The following LMF1 variants were observed in gnomAD, a reference collection of about 807,000 sequenced individuals.
LMF1 encodes the protein transmembrane protein 112.
A neutral mutation model predicts 60.6 loss-of-function variants in LMF1; 68 were observed. The ratio of observed to expected loss-of-function variants is 1.12; its 90% confidence interval spans 0.92 to 1.37. LMF1 has a LOEUF of 1.37. Among genes scored for constraint, LMF1 ranks in the 40% most tolerant of loss-of-function variants. The pLI is 0.00. For synonymous variants in LMF1, 418 were observed against 324.7 expected (o/e 1.29, Z -3.09); for missense variants, 948 against 767.2 (o/e 1.24, Z -2.78).
intron 9 of LMF1, 149 bp downstream of exon 9, chr16:869,734 G>C: frequency 1.2e-6 from 1 of 849,488 alleles, no homozygotes; most frequent in Non-Finnish European, 1.8e-6. Context: ...TGTCGTGTGG[G>C]CTCAGTTCTC....
chr16:894,026 G>A lies in LMF1; in HGVS notation c.664-954C>T, dbSNP rs74323832. The stretch of plus-strand genomic sequence containing the variant: ...CCACCCACCCGTCCCCCTGTCCACC[G>A]GGCCGTCTGCCCACTCGTCCCCTGT... On this transcript the variant is annotated intron_variant, in intron 4 of 10. Transcript: ENST00000262301. 8.3e-5 allele frequency among the ~76,000 whole-genome samples: 8 copies of A among 96,002 alleles called. No homozygotes were observed. In the South Asian group the frequency reaches 2.2e-3, roughly 27 times the overall value. The allele number at this position is 96,002 out of a possible 152,430, so 63.0% of individuals were successfully genotyped here. A position where few individuals can be genotyped will look rare whatever the true frequency, so the allele number is the denominator to read the frequency against.
chr16:906,302 C>G (rs1025014663), intron 4 of LMF1, among the ~76,000 whole-genome samples: 2 of 152,128 alleles, frequency 1.3e-5, no homozygotes, highest in African/African-American at 2.4e-5. Flanking sequence ...AGTACTGATC[C>G]TGGGTGTGTC....
intron 5 of LMF1, among the ~76,000 whole-genome samples, chr16:880,632 G>A (rs904405066): frequency 3.9e-5 from 6 of 152,236 alleles, no homozygotes; most frequent in Non-Finnish European, 8.8e-5. Flanking sequence ...ACTGTGCCAC[G>A]GCACTCAGCC....
chr16:926,233 A>T (rs1269449091), intron 3 of LMF1, among the ~76,000 whole-genome samples: 1 of 150,478 alleles, frequency 6.6e-6, no homozygotes, highest in Non-Finnish European at 1.5e-5. Flanking sequence ...ACGTTTGCAT[A>T]TGATCTGCAT....
chr16:954,337 G>T lies in LMF1; in HGVS notation c.503+20C>A. The T allele has an allele frequency of 6.2e-7, 1 of 1,607,296 alleles. No individual in the cohort carries two copies. The highest frequency in any genetic ancestry group is 8.5e-7 in the Non-Finnish European group (1 of 1,177,618). On this transcript the variant is annotated intron_variant, in intron 2 of 10. Coordinates refer to ENST00000262301, the MANE Select transcript of LMF1 (RefSeq NM_022773.4). Reference sequence around the variant, plus strand: ...TGACAGCAAGCCCTAAGCTCCGACCGCCCCATTCCTGCTACTCACCAGACA... The same window carrying T: ...TGACAGCAAGCCCTAAGCTCCGACCTCCCCATTCCTGCTACTCACCAGACA...
chr16:914,108 C>T lies in LMF1; in HGVS notation c.515-3029G>A, dbSNP rs180822357. Among the ~76,000 whole-genome samples the T allele has an allele frequency of 6.6e-4, 101 of 152,182 alleles. 1 individual carries two copies. In the Middle Eastern group the frequency reaches 0.01, roughly 15 times the overall value. On this transcript the variant is annotated intron_variant, in intron 3 of 10. Transcript: ENST00000262301. ...ACACGCACGGTCTTCTGAGGCCCTACGAGATGCTGAGCCCTGGGGACAGGG... is the reference window on the plus strand; with the variant it reads ...ACACGCACGGTCTTCTGAGGCCCTATGAGATGCTGAGCCCTGGGGACAGGG...
chr16:863,982 G>C (rs2069541366), intron 10 of LMF1, among the ~76,000 whole-genome samples: 1 of 151,950 alleles, frequency 6.6e-6, no homozygotes, highest in Non-Finnish European at 1.5e-5. Context: ...GTCGATGATG[G>C]TGCTCCTTTA....
intron 2 of LMF1, among the ~76,000 whole-genome samples, chr16:935,991 A>C (rs1262643135): frequency 6.6e-6 from 1 of 152,254 alleles, no homozygotes; most frequent in African/African-American, 2.4e-5. Context: ...ATCTTTTTAA[A>C]TCATCCCTTA....
upstream of LMF1, among the ~76,000 whole-genome samples, chr16:971,540 C>T (rs548740769): frequency 6.6e-6 from 1 of 152,358 alleles, no homozygotes; most frequent in Admixed American, 6.5e-5. Context: ...GCCTGAGCAC[C>T]CTTCCGCCTT....
At chr16:892,659 A>G (rs966001354) in intron 5 of LMF1, among the ~76,000 whole-genome samples, 3 of 152,208 alleles carry the variant, frequency 2.0e-5, no homozygotes, top group Non-Finnish European at 4.4e-5. Context: ...GAAGCCCCCA[A>G]CAGGCACCTG....
intron 10 of LMF1, among the ~76,000 whole-genome samples, chr16:863,477 C>T (rs899726848): frequency 3.3e-5 from 5 of 152,184 alleles, no homozygotes; most frequent in African/African-American, 1.2e-4. Flanking sequence ...ATCGTATCTT[C>T]TCCTTTTGTT....
chr16:949,220 G>T (rs2072359572), intron 2 of LMF1, among the ~76,000 whole-genome samples: 1 of 151,196 alleles, frequency 6.6e-6, no homozygotes, highest in Non-Finnish European at 1.5e-5. Context: ...GACAGAGTCA[G>T]CCAACAACAG....
chr16:880,404 G>A (rs1301302602), intron 5 of LMF1, among the ~76,000 whole-genome samples: 2 of 152,324 alleles, frequency 1.3e-5, no homozygotes, highest in South Asian at 4.1e-4. Flanking sequence ...AGGCACGGTG[G>A]CTCATGCCTG....
At position 976,276 on chromosome 16, in the gene LMF1, G is replaced by A. The variant is rs745806281; in HGVS notation, c.-135+4869C>T. ...TGGGGCTGGGGTCCCTGGATCTAGG[G>A]GATGAGGGCCCAGAACGAGGCTGGG... On this transcript the variant is annotated intron_variant, in intron 1 of 6. Transcript: ENST00000570014. 28 of 449,546 alleles carry A rather than the reference G, an allele frequency of 6.2e-5. No homozygotes were observed. In the Admixed American group the frequency reaches 6.6e-4, roughly 11 times the overall value. 27.8% of individuals were successfully genotyped at this position (449,546 alleles called of 1,614,324 possible).
intron 9 of LMF1, among the ~76,000 whole-genome samples, 181 bp downstream of exon 9, chr16:869,702 C>A (rs960663042): frequency 4.6e-5 from 7 of 152,154 alleles, no homozygotes; most frequent in Admixed American, 6.5e-5. Flanking sequence ...CACATGAGGC[C>A]CCTCCTAAGG....
At chr16:955,236 G>C (rs1235430499) in intron 1 of LMF1, among the ~76,000 whole-genome samples, 1 of 122,202 alleles carries the variant, frequency 8.2e-6, no homozygotes, top group Non-Finnish European at 1.6e-5. Flanking sequence ...GCCTGCAGCA[G>C]ACGTGGTGTG....
chr16:920,249 G>A (rs1378024658), intron 3 of LMF1, among the ~76,000 whole-genome samples: 3 of 152,178 alleles, frequency 2.0e-5, no homozygotes, highest in South Asian at 4.1e-4. Flanking sequence ...GCCCCAGCCC[G>A]TCAGCCCCCA....
intron 4 of LMF1, among the ~76,000 whole-genome samples, chr16:896,735 G>C (rs185850995): frequency 2.6e-5 from 4 of 152,180 alleles, no homozygotes; most frequent in African/African-American, 9.7e-5. Flanking sequence ...TGCAGAATCC[G>C]AGAGTGGAAC....
In LMF1 at chr16:970,924, C is replaced by T. The variant is rs774113284; in HGVS notation, c.57G>A (p.Lys19=). 3.8e-6 allele frequency: 6 copies of T among 1,570,832 alleles called. 1 individual carries two copies. The South Asian group carries it at 5.8e-5, about 15-fold the overall frequency. The change falls in exon 1 of 11, where the codon AAG becomes AAA. Residue 19 remains lysine, a synonymous_variant. Transcript: ENST00000262301. ...CAGGCTCCGGATCCGAGTACCCAGT[C>T]TTCCGCCTCCTCAGCGACTCCGCGG... is the stretch of plus-strand genomic sequence containing the variant. The part of the protein sequence containing the change: ...AAPAESLRRR[K]TGYSDPEPES...
Sources: allele counts gnomAD v4.1 joint callset (sites outside exome capture counted in the v4.1 genomes callset), GRCh38; gene constraint gnomAD v4.1.1; transcripts MANE v1.5; gene names NCBI Gene and HGNC (gene_info 2026-07-23, HGNC 2026-07-21).